Variants in BANP observed in about 807,000 individuals in gnomAD.
The protein encoded by BANP is protein BANP.
Under a neutral mutation model 68.1 loss-of-function variants are expected in BANP, and 11 were observed. The observed-to-expected ratio is 0.16, with a 90% CI of 0.10 to 0.27. BANP has a LOEUF of 0.27. Among genes scored for constraint, BANP ranks in the 10% least tolerant of loss-of-function variants. BANP has a pLI of 1.00. For missense variants in BANP, 504 were observed against 722.7 expected (o/e 0.70, Z 3.47); for synonymous variants, 329 against 303.2 (o/e 1.09, Z -0.88).
chr16:87,953,778 C>T (rs894971939), intron 1 of BANP, among the ~76,000 whole-genome samples: 5 of 152,162 alleles, frequency 3.3e-5, no homozygotes, highest in African/African-American at 1.2e-4. Context: ...CTCCTTCAGC[C>T]CCTGTCCTTC....
At chr16:88,046,805 G>A (rs1021665590) in intron 11 of BANP, among the ~76,000 whole-genome samples, 2 of 152,018 alleles carry the variant, frequency 1.3e-5, no homozygotes, top group Non-Finnish European at 2.9e-5. Context: ...GGTGCTTCAC[G>A]CCTGTAATCC....
In BANP at chr16:88,017,909, T is replaced by C. The variant is rs577211835; in HGVS notation, c.656-519T>C. Among the ~76,000 whole-genome samples, 213 of 152,260 alleles carry C rather than the reference T, an allele frequency of 1.4e-3. 1 individual carries two copies. The highest frequency in any genetic ancestry group is 4.9e-3 in the African/African-American group (204 of 41,542). ...CAAGGGCATGCTGTGACTTACACTG[T>C]GCAGAGGCAAGGACTGGCATTGTGT... On this transcript the variant is annotated intron_variant, in intron 6 of 13. Coordinates refer to ENST00000682872, the MANE Select transcript of BANP (RefSeq NM_001386991.1).
chr16:87,951,730 C>G (rs1313326556), intron 1 of BANP, among the ~76,000 whole-genome samples: 1 of 150,884 alleles, frequency 6.6e-6, no homozygotes, highest in Non-Finnish European at 1.5e-5. Flanking sequence ...CGCTTCCTCG[C>G]TTCCGCACCC....
intron 6 of BANP, among the ~76,000 whole-genome samples, chr16:88,014,827 C>T (rs1401480645): frequency 6.6e-6 from 1 of 152,038 alleles, no homozygotes; most frequent in African/African-American, 2.4e-5. Flanking sequence ...TCCAGAGATG[C>T]TTGGTGTCGC....
Position 88,004,472 on chromosome 16 carries a change from A to C in BANP, c.479+61A>C. 1.0e-6 allele frequency: 1 copy of C among 957,416 alleles called. No individual in the cohort carries two copies. The highest frequency in any genetic ancestry group is 1.6e-6 in the Non-Finnish European group (1 of 636,498). 59.3% of individuals were successfully genotyped at this position (957,416 alleles called of 1,614,324 possible). A position where few individuals can be genotyped will look rare whatever the true frequency, so the allele number is the denominator to read the frequency against. On this transcript the variant is annotated intron_variant, in intron 5 of 13. Transcript: ENST00000682872. This position sits in a 1 kb window ranked among gnomAD's most constrained non-coding sequence, Gnocchi z 7.0. ...CACTGTGCGGAGTCCCATGAGAATA[A>C]GTCAACGTCCCTAAGCCAGGGCACA...
Position 88,017,886 on chromosome 16 carries a change from A to G in BANP, c.656-542A>G, listed in dbSNP as rs540474215. On this transcript the variant is annotated intron_variant, in intron 6 of 13. Transcript: ENST00000682872. ...AACTGCCCTGAGAATGCTGGCGTCAAGGGCATGCTGTGACTTACACTGTGC... is the reference window on the plus strand; with the variant it reads ...AACTGCCCTGAGAATGCTGGCGTCAGGGGCATGCTGTGACTTACACTGTGC... Among the ~76,000 whole-genome samples, 4 of 152,324 alleles carry G rather than the reference A, an allele frequency of 2.6e-5. No homozygotes were observed. In the East Asian group the frequency reaches 7.7e-4, roughly 29 times the overall value.
intron 4 of BANP, among the ~76,000 whole-genome samples, chr16:87,999,643 C>T (rs2068563765): frequency 1.8e-5 from 1 of 55,502 alleles, no homozygotes; most frequent in Non-Finnish European, 3.7e-5. Flanking sequence ...TCCTTCCAGA[C>T]GTGTCTCCAT....
intron 7 of BANP, among the ~76,000 whole-genome samples, chr16:88,024,207 T>G (rs1173914512): frequency 6.6e-6 from 1 of 152,164 alleles, no homozygotes; most frequent in African/African-American, 2.4e-5. Flanking sequence ...GCACCTCTCA[T>G]GGGTTCTCAG....
chr16:88,054,347 A>C (rs1404897365), intron 11 of BANP, among the ~76,000 whole-genome samples: 2 of 131,380 alleles, frequency 1.5e-5, no homozygotes, highest in East Asian at 4.2e-4. Context: ...ATCACCACCA[A>C]CACAGCCACC....
intron 1 of BANP, among the ~76,000 whole-genome samples, chr16:87,971,399 C>T (rs1172023424): frequency 6.6e-6 from 1 of 152,202 alleles, no homozygotes; most frequent in African/African-American, 2.4e-5. Flanking sequence ...ATACTGTTCT[C>T]TGAGGACTGG....
chr16:88,023,005 G>T (rs903799361), intron 7 of BANP, among the ~76,000 whole-genome samples: 1 of 152,228 alleles, frequency 6.6e-6, no homozygotes, highest in African/African-American at 2.4e-5. Flanking sequence ...CCAGGACACA[G>T]GACACGGGTG....
intron 11 of BANP, among the ~76,000 whole-genome samples, chr16:88,061,543 G>A (rs1343148976): frequency 2.0e-5 from 3 of 152,216 alleles, no homozygotes; most frequent in Non-Finnish European, 4.4e-5. Flanking sequence ...CCATCAGTGG[G>A]TTTAAAGGCT....
chr16:87,959,319 C>A (rs148013534), intron 1 of BANP, among the ~76,000 whole-genome samples: 2 of 152,368 alleles, frequency 1.3e-5, no homozygotes, highest in East Asian at 3.9e-4. Flanking sequence ...AAAACCCATT[C>A]CTGGCTCACA....
intron 7 of BANP, 45 bp from the exon 8 acceptor site, chr16:88,027,438 G>C: frequency 6.2e-7 from 1 of 1,608,458 alleles, no homozygotes; most frequent in South Asian, 1.1e-5. Context: ...CCTGGTGGCT[G>C]TCCCGAACAG....
rs73235233 is a variant in BANP at position 88,063,545 on chromosome 16, C to T, written c.1312-1722C>T. On this transcript the variant is annotated intron_variant, in intron 11 of 13. Coordinates refer to ENST00000682872, the MANE Select transcript of BANP (RefSeq NM_001386991.1). Reference sequence around the variant, plus strand: ...GGTGACCGCTGGTCATTTCTGATCTCGCCTTCTGTGCACAAGCTCCTGTGA... The same window carrying T: ...GGTGACCGCTGGTCATTTCTGATCTTGCCTTCTGTGCACAAGCTCCTGTGA... 5.7e-3 allele frequency among the ~76,000 whole-genome samples: 869 copies of T among 152,340 alleles called. 11 individuals carry two copies. Among genetic ancestry groups the T allele is most frequent in the African/African-American group, 0.02 (820 of 41,570 alleles).
At chr16:87,951,875 C>G (rs981872847) in intron 1 of BANP, among the ~76,000 whole-genome samples, 11 of 152,106 alleles carry the variant, frequency 7.2e-5, no homozygotes, top group African/African-American at 2.2e-4. Context: ...ACTGGAAAGG[C>G]CTAGAACCGC....
intron 4 of BANP, among the ~76,000 whole-genome samples, chr16:87,987,739 A>T (rs1317119943): frequency 6.9e-6 from 1 of 145,020 alleles, no homozygotes; most frequent in Admixed American, 6.9e-5. Flanking sequence ...AAAAAAAAAA[A>T]GGATGTTATT....
chr16:88,062,597 C>T (rs12919293), intron 11 of BANP, among the ~76,000 whole-genome samples: 70,355 of 152,092 alleles, frequency 0.46, 19,116 homozygotes, highest in Non-Finnish European at 0.63. Context: ...CTTGAGATGA[C>T]GAGGTGCTGC....
intron 1 of BANP, among the ~76,000 whole-genome samples, chr16:87,965,349 G>A (rs530568737): frequency 2.6e-5 from 4 of 152,240 alleles, no homozygotes; most frequent in South Asian, 4.1e-4. Flanking sequence ...AAGTACAGGC[G>A]GGGCTTCTGA....
Sources: gnomAD v4.1 joint callset for allele counts (sites outside exome capture counted in the v4.1 genomes callset) on GRCh38, gnomAD v4.1.1 for gene constraint, Gnocchi (gnomAD v3.1) non-coding constraint, MANE v1.5 for transcripts, NCBI Gene and HGNC (gene_info 2026-07-23, HGNC 2026-07-21) for gene names.